Variants in NAA35 observed in about 807,000 individuals in gnomAD.
NAA35 encodes N-alpha-acetyltransferase 35, NatC auxiliary subunit.
A neutral mutation model predicts 101.7 loss-of-function variants in NAA35; 18 were observed. The ratio of observed to expected loss-of-function variants is 0.18; its 90% confidence interval spans 0.12 to 0.26. The LOEUF is 0.26. Ranked by LOEUF, NAA35 falls within the 10% of genes least tolerant of loss-of-function variation. The pLI is 1.00. For missense variants in NAA35, 601 were observed against 886.8 expected (o/e 0.68, Z 4.09); for synonymous variants, 267 against 273.1 (o/e 0.98, Z 0.22).
intron 12 of NAA35, among the ~76,000 whole-genome samples, chr9:85,999,048 C>T (rs765095572): frequency 6.6e-6 from 1 of 152,182 alleles, no homozygotes; most frequent in Non-Finnish European, 1.5e-5. Context: ...CAGCTTAAGT[C>T]TTCATTCCTT....
intron 2 of NAA35, among the ~76,000 whole-genome samples, chr9:85,950,894 TGGGAGGC>T (rs1032289995): frequency 6.6e-6 from 1 of 152,126 alleles, no homozygotes; most frequent in Admixed American, 6.6e-5. Context: ...CCTAGCACTT[TGGGAGGC>T]CAAGGCGGGT....
At chr9:85,991,426 G>T (rs1204924019) in intron 11 of NAA35, among the ~76,000 whole-genome samples, 1 of 152,110 alleles carries the variant, frequency 6.6e-6, no homozygotes, top group Admixed American at 6.5e-5. Context: ...ATTGTGGAAG[G>T]TTTCCCAGGT....
intron 6 of NAA35, 134 bp downstream of exon 6, chr9:85,962,314 A>G: frequency 3.0e-6 from 2 of 675,428 alleles, no homozygotes; most frequent in Non-Finnish European, 4.8e-6. Context: ...AACATGGTGA[A>G]ACACTGTCTC....
At chr9:85,941,580 G>A (rs953124637) in intron 1 of NAA35, 1 of 985,968 alleles carries the variant, frequency 1.0e-6, no homozygotes, top group Non-Finnish European at 1.2e-6. Context: ...CGGGCAGGGC[G>A]GAAGGGAAGC....
chr9:86,016,512 A>G (rs1357259193), intron 17 of NAA35, 27 bp from the exon 18 acceptor site: 19 of 1,602,770 alleles, frequency 1.2e-5, no homozygotes, highest in Non-Finnish European at 1.6e-5. Context: ...GACATCTACC[A>G]TTAACTAACA....
intron 2 of NAA35, among the ~76,000 whole-genome samples, chr9:85,950,328 C>G (rs1370123458): frequency 6.6e-6 from 1 of 152,196 alleles, no homozygotes; most frequent in Non-Finnish European, 1.5e-5. Flanking sequence ...TCACTGTAAC[C>G]TCCGTCTCCT....
chr9:86,013,597 T>G, intron 16 of NAA35, 122 bp from the exon 17 acceptor site: 1 of 875,324 alleles, frequency 1.1e-6, no homozygotes, highest in South Asian at 1.9e-5. Context: ...TAAAAATGTT[T>G]CTTTGGGTGG....
chr9:86,010,650 C>T (rs1427929602), intron 15 of NAA35, among the ~76,000 whole-genome samples: 1 of 146,806 alleles, frequency 6.8e-6, no homozygotes, highest in Non-Finnish European at 1.5e-5. Flanking sequence ...TCTTGGCTCA[C>T]TGCAAGCTCC....
intron 17 of NAA35, chr9:86,015,804 G>A: frequency 1.0e-6 from 1 of 977,838 alleles, no homozygotes; most frequent in Non-Finnish European, 1.2e-6. Flanking sequence ...GAAGGTAGAA[G>A]ACATCATCAG....
rs1236843940 is a variant in NAA35 at position 85,955,358 on chromosome 9, A to AT, written c.125-1001dup. Among the ~76,000 whole-genome samples the AT allele has an allele frequency of 2.8e-3, 131 of 47,578 alleles. 1 individual carries two copies. The highest frequency in any genetic ancestry group is 5.8e-3 in the South Asian group (5 of 860). 31.2% of individuals were successfully genotyped at this position (47,578 alleles called of 152,430 possible). A position where few individuals can be genotyped will look rare whatever the true frequency, so the allele number is the denominator to read the frequency against. On this transcript the variant is annotated intron_variant, in intron 2 of 22. Coordinates refer to ENST00000361671, the MANE Select transcript of NAA35 (RefSeq NM_024635.4). The stretch of plus-strand genomic sequence containing the variant: ...TATATATATATATATATATATATAT[A>AT]TATTTTTTTTTTTTTTTTTCTTCAG...
chr9:86,002,674 G>A (rs1265454291), intron 12 of NAA35, among the ~76,000 whole-genome samples: 3 of 152,094 alleles, frequency 2.0e-5, no homozygotes. Flanking sequence ...ATTGCATAGT[G>A]AAATTCTTGT....
intron 6 of NAA35, among the ~76,000 whole-genome samples, chr9:85,967,504 T>C (rs1304306336): frequency 6.6e-6 from 1 of 152,014 alleles, no homozygotes; most frequent in Non-Finnish European, 1.5e-5. Flanking sequence ...TCAAGAGACC[T>C]AGTGATGAAT....
chr9:85,967,598 C>T (rs1460586754), intron 6 of NAA35, among the ~76,000 whole-genome samples: 2 of 151,940 alleles, frequency 1.3e-5, no homozygotes, highest in Admixed American at 6.6e-5. Flanking sequence ...GTCAGGAGAT[C>T]GAGACCATCC....
intron 2 of NAA35, among the ~76,000 whole-genome samples, chr9:85,944,864 G>T (rs1291264464): frequency 1.3e-5 from 2 of 152,172 alleles, no homozygotes. Flanking sequence ...AATCCCCTGG[G>T]ACATGATGTT....
At chr9:86,006,952 A>T (rs1197050042) in intron 13 of NAA35, among the ~76,000 whole-genome samples, 3 of 152,162 alleles carry the variant, frequency 2.0e-5, no homozygotes. Context: ...AAATGAACAT[A>T]AAAAATATTA....
chr9:85,999,662 T>G (rs1274024293), intron 12 of NAA35, among the ~76,000 whole-genome samples: 1 of 152,208 alleles, frequency 6.6e-6, no homozygotes, highest in Admixed American at 6.5e-5. Context: ...AGTGATCCTT[T>G]AGAATTTTCT....
intron 11 of NAA35, among the ~76,000 whole-genome samples, chr9:85,988,569 G>T (rs532061683): frequency 6.6e-6 from 1 of 152,298 alleles, no homozygotes; most frequent in East Asian, 1.9e-4. Flanking sequence ...GGAGGCCGAG[G>T]CAGGCAGATC....
At position 85,996,465 on chromosome 9, in the gene NAA35, G is replaced by A. The variant is rs973931955; in HGVS notation, c.944G>A (p.Arg315Gln). The A allele has an allele frequency of 3.1e-6, 5 of 1,609,704 alleles. No homozygotes were observed. Among genetic ancestry groups the A allele is most frequent in the Admixed American group, 1.7e-5 (1 of 59,194 alleles). The change falls in exon 12 of 23, where the codon CGA becomes CAA. Residue 315 changes from arginine (R) to glutamine (Q), a missense_variant. Coordinates refer to ENST00000361671, the MANE Select transcript of NAA35 (RefSeq NM_024635.4). The part of the protein sequence containing the change: ...NQRLLPPTFP[R>Q]YAKIIKREEM... Reference sequence around the variant, plus strand: ...AGGCTACTTCCACCTACCTTCCCTCGATATGCAAAAATAATTAAAAGGGAA... The same window carrying A: ...AGGCTACTTCCACCTACCTTCCCTCAATATGCAAAAATAATTAAAAGGGAA...
At chr9:85,958,909 A>C (rs529155266) in intron 4 of NAA35, among the ~76,000 whole-genome samples, 6 of 152,110 alleles carry the variant, frequency 3.9e-5, no homozygotes, top group Non-Finnish European at 8.8e-5. Context: ...GTAAATTTAC[A>C]CAAGTAAAAT....
Sources: gnomAD v4.1 joint callset for allele counts (sites outside exome capture counted in the v4.1 genomes callset) on GRCh38, gnomAD v4.1.1 for gene constraint, MANE v1.5 for transcripts, NCBI Gene and HGNC (gene_info 2026-07-23, HGNC 2026-07-21) for gene names.